ZDHHC17: variants seen among roughly 807,000 people sequenced by gnomAD.
The protein encoded by ZDHHC17 is zDHHC palmitoyltransferase 17.
Under a neutral mutation model 90.3 loss-of-function variants are expected in ZDHHC17, and 40 were observed. That is an observed-to-expected ratio of 0.44 (90% CI 0.34 to 0.58). ZDHHC17 has a LOEUF of 0.58. ZDHHC17 is among the 20% of genes least tolerant of loss of function. ZDHHC17 has a pLI of 0.01. For missense variants in ZDHHC17, 614 were observed against 780.8 expected (o/e 0.79, Z 2.55); for synonymous variants, 235 against 252.4 (o/e 0.93, Z 0.65).
intron 2 of ZDHHC17, among the ~76,000 whole-genome samples, chr12:76,804,174 A>G (rs1014468813): frequency 6.6e-6 from 1 of 152,250 alleles, no homozygotes; most frequent in Non-Finnish European, 1.5e-5. Flanking sequence ...TGGTAGCTTC[A>G]GTCCTTACAT....
intron 12 of ZDHHC17, chr12:76,845,065 T>C (rs1212674145): frequency 1.3e-5 from 2 of 151,826 alleles, no homozygotes; most frequent in African/African-American, 4.8e-5. Context: ...TTGCAAGAAA[T>C]AGTGACTTCT....
chr12:76,835,477 A>G (rs1181810992), intron 10 of ZDHHC17, among the ~76,000 whole-genome samples: 1 of 152,092 alleles, frequency 6.6e-6, no homozygotes, highest in East Asian at 1.9e-4. Context: ...GTAGAAGTTT[A>G]TATCTCTTGT....
intron 1 of ZDHHC17, among the ~76,000 whole-genome samples, chr12:76,781,025 T>G (rs2137723731): frequency 6.7e-6 from 1 of 149,024 alleles, no homozygotes; most frequent in Non-Finnish European, 1.5e-5. Context: ...TCCCAGCTAC[T>G]CGGGAGGCTG....
At position 76,764,278 on chromosome 12, in the gene ZDHHC17, C is replaced by G. The variant is rs769374652; in HGVS notation, c.42C>G (p.Gly14=). 5 of 1,607,044 alleles carry G rather than the reference C, an allele frequency of 3.1e-6. No individual in the cohort carries two copies. The highest frequency in any genetic ancestry group is 2.2e-5 in the South Asian group (2 of 89,434). ...EEGFNTKMAD[G]PDEYDTEAGC... is the part of the protein sequence containing the mutation. The stretch of plus-strand genomic sequence containing the variant: ...GATTTAACACCAAGATGGCGGACGG[C>G]CCGGATGAGTACGATACCGAAGCGG... The change falls in exon 1 of 17, where the codon GGC becomes GGG. Residue 14 remains glycine (G), a synonymous_variant. Coordinates refer to ENST00000426126, the MANE Select transcript of ZDHHC17 (RefSeq NM_015336.4).
intron 7 of ZDHHC17, among the ~76,000 whole-genome samples, chr12:76,819,947 C>T (rs903521235): frequency 5.5e-5 from 8 of 146,496 alleles, no homozygotes; most frequent in African/African-American, 1.3e-4. Flanking sequence ...GAGCCAAGAT[C>T]GTGCCATTGC....
intron 1 of ZDHHC17, among the ~76,000 whole-genome samples, chr12:76,791,516 C>T (rs919888913): frequency 6.6e-6 from 1 of 151,866 alleles, no homozygotes; most frequent in Non-Finnish European, 1.5e-5. Flanking sequence ...TAAGAAGGTT[C>T]GTTAGTATTA....
intron 1 of ZDHHC17, among the ~76,000 whole-genome samples, chr12:76,764,981 G>T (rs984192939): frequency 2.0e-5 from 3 of 152,154 alleles, no homozygotes; most frequent in Non-Finnish European, 4.4e-5. Context: ...AGTGCAACAC[G>T]TTTCCCATCA....
chr12:76,846,750 C>A, intron 14 of ZDHHC17, 71 bp downstream of exon 14: 2 of 1,275,624 alleles, frequency 1.6e-6, no homozygotes, highest in Non-Finnish European at 2.2e-6. Context: ...ACCACACTAA[C>A]AAATTACTAT....
At chr12:76,770,205 A>C (rs1233961807) in intron 1 of ZDHHC17, among the ~76,000 whole-genome samples, 1 of 152,220 alleles carries the variant, frequency 6.6e-6, no homozygotes, top group Non-Finnish European at 1.5e-5. Flanking sequence ...AGTGTTGGCT[A>C]TTAATATTGT....
intron 14 of ZDHHC17, among the ~76,000 whole-genome samples, chr12:76,847,019 T>C (rs997943736): frequency 1.3e-5 from 2 of 152,250 alleles, no homozygotes; most frequent in Non-Finnish European, 2.9e-5. Flanking sequence ...AGTGATTGTC[T>C]TAGTTCTGTT....
intron 1 of ZDHHC17, among the ~76,000 whole-genome samples, chr12:76,778,158 A>C (rs1357807045): frequency 6.6e-6 from 1 of 152,144 alleles, no homozygotes; most frequent in Non-Finnish European, 1.5e-5. Context: ...GTTTTTGGTC[A>C]GTGAGATGAA....
rs190900525 is a variant in ZDHHC17, at chr12:76,796,189, G to T, written c.94-1245G>T. Among the ~76,000 whole-genome samples, 882 of 152,228 alleles carry T rather than the reference G, an allele frequency of 5.8e-3. 10 individuals carry two copies. Among genetic ancestry groups the T allele is most frequent in the African/African-American group, 0.021 (858 of 41,554 alleles). ...TGGTATGATTAAGTATCAGTGGTAG[G>T]TGGTTTATCAGAGGCAAGAGAGCAT... On this transcript the variant is annotated intron_variant, in intron 1 of 16. Coordinates refer to ENST00000426126, the MANE Select transcript of ZDHHC17 (RefSeq NM_015336.4).
At chr12:76,832,437 G>C (rs756646135) in intron 10 of ZDHHC17, among the ~76,000 whole-genome samples, 5 of 152,192 alleles carry the variant, frequency 3.3e-5, no homozygotes, top group Non-Finnish European at 5.9e-5. Context: ...TGAAGTTGCT[G>C]CAAGCACTGA....
At chr12:76,846,395 A>G (rs973744785) in intron 13 of ZDHHC17, 3 of 547,876 alleles carry the variant, frequency 5.5e-6, no homozygotes, top group Non-Finnish European at 9.7e-6. Context: ...TGTCATCATT[A>G]TATCTTTGTG....
chr12:76,790,483 C>G (rs904616224), intron 1 of ZDHHC17, among the ~76,000 whole-genome samples: 4 of 152,160 alleles, frequency 2.6e-5, no homozygotes, highest in African/African-American at 9.7e-5. Flanking sequence ...GCCTGGGTGA[C>G]AGAGCGAGAC....
intron 1 of ZDHHC17, among the ~76,000 whole-genome samples, chr12:76,773,489 G>A (rs1038716247): frequency 3.3e-5 from 5 of 152,142 alleles, no homozygotes; most frequent in African/African-American, 9.7e-5. Flanking sequence ...ACTGAAGGAC[G>A]TCTTATTGCT....
Position 76,805,011 on chromosome 12 carries a change from A to G in ZDHHC17, c.198-306A>G, listed in dbSNP as rs144209568. On this transcript the variant is annotated intron_variant, in intron 2 of 16. Transcript: ENST00000426126. ...TTTTTAATATGTGTGTATTTTTTAC[A>G]GTCTGCCTTAAGAGTTTGGTGGGAT... Among the ~76,000 whole-genome samples, 1,084 of 152,184 alleles carry G rather than the reference A, an allele frequency of 7.1e-3. 10 individuals carry two copies. Among genetic ancestry groups the G allele is most frequent in the African/African-American group, 0.025 (1,028 of 41,520 alleles).
intron 7 of ZDHHC17, among the ~76,000 whole-genome samples, chr12:76,819,621 A>G (rs1446863492): frequency 6.6e-6 from 1 of 152,194 alleles, no homozygotes; most frequent in Non-Finnish European, 1.5e-5. Flanking sequence ...ATTTACCTTC[A>G]CATATTAGTT....
intron 1 of ZDHHC17, among the ~76,000 whole-genome samples, chr12:76,783,078 A>G (rs1952645471): frequency 1.3e-5 from 2 of 152,200 alleles, no homozygotes; most frequent in South Asian, 4.1e-4. Flanking sequence ...GAGGAGGCTG[A>G]CTAAAGTTTG....
Sources: gnomAD v4.1 joint callset for allele counts (sites outside exome capture counted in the v4.1 genomes callset) on GRCh38, gnomAD v4.1.1 for gene constraint, MANE v1.5 for transcripts, NCBI Gene and HGNC (gene_info 2026-07-23, HGNC 2026-07-21) for gene names.